The following MSRA variants were observed in gnomAD, a reference collection of about 807,000 sequenced individuals.
The protein encoded by MSRA is methionine sulfoxide reductase A.
MSRA carries 54 observed loss-of-function variants against 31.3 expected under a neutral mutation model. The ratio of observed to expected loss-of-function variants is 1.73; its 90% confidence interval spans 1.39 to 2.17. MSRA has a LOEUF of 2.17. Ranked by LOEUF, MSRA falls within the 30% of genes most tolerant of loss-of-function variation. The pLI, the probability that MSRA is intolerant of heterozygous loss-of-function variation, is 0.00. For synonymous variants in MSRA, 169 were observed against 116.5 expected (o/e 1.45, Z -2.90); for missense variants, 507 against 300.9 (o/e 1.69, Z -5.07).
At chr8:10,414,555 C>G (rs1585726319) in intron 5 of MSRA, among the ~76,000 whole-genome samples, 2 of 152,198 alleles carry the variant, frequency 1.3e-5, no homozygotes, top group Admixed American at 6.5e-5. Context: ...TGAGACTATT[C>G]TTTCTAGTGG....
At chr8:10,191,990 G>T (rs1320152712) in intron 1 of MSRA, among the ~76,000 whole-genome samples, 5 of 152,136 alleles carry the variant, frequency 3.3e-5, no homozygotes, top group Non-Finnish European at 5.9e-5. Flanking sequence ...TGCAGTCAAG[G>T]TGTCAGCTGC....
intron 1 of MSRA, among the ~76,000 whole-genome samples, chr8:10,112,627 A>C (rs140257496): frequency 2.6e-5 from 4 of 152,252 alleles, no homozygotes; most frequent in Non-Finnish European, 5.9e-5. Flanking sequence ...ACTATGTGCT[A>C]AGCTCCCTGT....
intron 5 of MSRA, among the ~76,000 whole-genome samples, chr8:10,346,827 G>A (rs1029039857): frequency 3.9e-5 from 6 of 152,200 alleles, no homozygotes; most frequent in Non-Finnish European, 7.3e-5. Flanking sequence ...ATTGCTAAAG[G>A]GGTTGTTGTT....
chr8:10,153,140 A>G (rs1331919031), intron 1 of MSRA, among the ~76,000 whole-genome samples: 1 of 152,194 alleles, frequency 6.6e-6, no homozygotes. Context: ...AATGGTTACG[A>G]TGGTAAATTT....
At chr8:10,100,487 A>T (rs1244673091) in intron 1 of MSRA, among the ~76,000 whole-genome samples, 1 of 152,102 alleles carries the variant, frequency 6.6e-6, no homozygotes, top group Non-Finnish European at 1.5e-5. Context: ...GTCTGTGGCC[A>T]GGGAGGGCAG....
chr8:10,196,087 G>A (rs544770375), intron 1 of MSRA, among the ~76,000 whole-genome samples: 13 of 152,276 alleles, frequency 8.5e-5, no homozygotes, highest in Middle Eastern at 3.4e-3. Context: ...ACCACTCCCC[G>A]CTCAGCTGCT....
intron 2 of MSRA, among the ~76,000 whole-genome samples, chr8:10,228,970 T>A (rs995386880): frequency 6.6e-6 from 1 of 152,174 alleles, no homozygotes; most frequent in Non-Finnish European, 1.5e-5. Context: ...CTGATCACAA[T>A]TGTAATGTCA....
At chr8:10,379,581 T>C (rs566719015) in intron 5 of MSRA, among the ~76,000 whole-genome samples, 2 of 152,038 alleles carry the variant, frequency 1.3e-5, no homozygotes, top group South Asian at 4.2e-4. Context: ...CCTTCCCCCC[T>C]CTTCCCCTCT....
chr8:10,379,051 A>G (rs1190767172), intron 5 of MSRA, among the ~76,000 whole-genome samples: 2 of 152,072 alleles, frequency 1.3e-5, no homozygotes, highest in African/African-American at 4.8e-5. Flanking sequence ...ACTTAACAGT[A>G]TTAGTGCGTC....
chr8:10,267,456 T>G (rs1358081450), intron 3 of MSRA, among the ~76,000 whole-genome samples: 1 of 152,112 alleles, frequency 6.6e-6, no homozygotes, highest in African/African-American at 2.4e-5. Flanking sequence ...GTCCTTATAA[T>G]TATTCCAGGA....
chr8:10,239,716 C>G (rs1812245478), intron 2 of MSRA, among the ~76,000 whole-genome samples: 2 of 152,232 alleles, frequency 1.3e-5, no homozygotes, highest in Admixed American at 6.5e-5. Flanking sequence ...GGACCTCTAA[C>G]TCTACAGAGC....
intron 1 of MSRA, among the ~76,000 whole-genome samples, chr8:10,116,903 T>C (rs1585184607): frequency 6.6e-6 from 1 of 151,850 alleles, no homozygotes; most frequent in Non-Finnish European, 1.5e-5. Flanking sequence ...GAAGTGGAGG[T>C]TGCGGTGAGC....
intron 5 of MSRA, among the ~76,000 whole-genome samples, chr8:10,380,645 G>A (rs886540397): frequency 6.6e-6 from 1 of 152,022 alleles, no homozygotes; most frequent in Non-Finnish European, 1.5e-5. Context: ...TCATCTTTAT[G>A]TCTCTGGAAA....
At chr8:10,169,636 A>G (rs1413096616) in intron 1 of MSRA, among the ~76,000 whole-genome samples, 1 of 152,242 alleles carries the variant, frequency 6.6e-6, no homozygotes, top group Admixed American at 6.5e-5. Context: ...TAAAATGAAA[A>G]TGTTATTCAA....
intron 3 of MSRA, among the ~76,000 whole-genome samples, chr8:10,263,808 G>C (rs769302551): frequency 6.6e-6 from 1 of 152,160 alleles, no homozygotes; most frequent in African/African-American, 2.4e-5. Context: ...GTGTGATTTC[G>C]TTATTGTATT....
In MSRA at chr8:10,239,143, G is replaced by C. The variant is rs530605726; in HGVS notation, c.212-5961G>C. ...TGTGAAGAGATGCTCAACCTCAGTG[G>C]TGATTAGCTATGTATATGACATAAT... On this transcript the variant is annotated intron_variant, in intron 2 of 5. Transcript: ENST00000317173. 1.4e-3 allele frequency among the ~76,000 whole-genome samples: 220 copies of C among 152,248 alleles called. 1 individual carries two copies. Among genetic ancestry groups the C allele is most frequent in the African/African-American group, 5.2e-3 (217 of 41,548 alleles).
At chr8:10,393,846 A>C (rs563167488) in intron 5 of MSRA, among the ~76,000 whole-genome samples, 2 of 152,202 alleles carry the variant, frequency 1.3e-5, no homozygotes, top group African/African-American at 4.8e-5. Context: ...GCACACCTAC[A>C]TGGTCACTAT....
chr8:10,293,711 C>T (rs1800374844), intron 3 of MSRA, among the ~76,000 whole-genome samples: 1 of 152,108 alleles, frequency 6.6e-6, no homozygotes, highest in Non-Finnish European at 1.5e-5. Flanking sequence ...TTTCCTTCCT[C>T]CCCTCCTGCT....
intron 1 of MSRA, among the ~76,000 whole-genome samples, chr8:10,142,263 G>A (rs769950312): frequency 6.6e-6 from 1 of 152,108 alleles, no homozygotes; most frequent in Non-Finnish European, 1.5e-5. Context: ...TGGCCCTTAT[G>A]TACAGTGTTT....
Sources: allele counts gnomAD v4.1 joint callset (sites outside exome capture counted in the v4.1 genomes callset), GRCh38; gene constraint gnomAD v4.1.1; transcripts MANE v1.5; gene names NCBI Gene and HGNC (gene_info 2026-07-23, HGNC 2026-07-21).